NXPH1: variants seen among roughly 807,000 people sequenced by gnomAD.
The protein encoded by NXPH1 is neurexophilin-1.
Under a neutral mutation model 23.7 loss-of-function variants are expected in NXPH1, and 5 were observed. That is an observed-to-expected ratio of 0.21 (90% CI 0.11 to 0.44). The LOEUF is 0.44. NXPH1 is among the 20% of genes least tolerant of loss of function. The pLI is 0.99. For missense variants in NXPH1, 324 were observed against 321.6 expected, an observed-to-expected ratio of 1.01 and a Z score of -0.06; for synonymous variants, 144 against 122.2, an observed-to-expected ratio of 1.18 and a Z score of -1.18.
chr7:8,506,461 A>G (rs1196337480), intron 2 of NXPH1, among the ~76,000 whole-genome samples: 2 of 152,116 alleles, frequency 1.3e-5, no homozygotes, highest in Non-Finnish European at 2.9e-5. Context: ...TGCAATTTGT[A>G]AGTTTATTCA....
chr7:8,704,353 A>C (rs1779671807), intron 2 of NXPH1, among the ~76,000 whole-genome samples: 1 of 152,154 alleles, frequency 6.6e-6, no homozygotes, highest in South Asian at 2.1e-4. Flanking sequence ...TGTGTCTTGC[A>C]CAATCGATTC....
intron 2 of NXPH1, among the ~76,000 whole-genome samples, chr7:8,515,392 C>T (rs182403630): frequency 6.6e-6 from 1 of 152,102 alleles, no homozygotes; most frequent in East Asian, 1.9e-4. Flanking sequence ...TATTTTATCT[C>T]CTGCCATGGA....
chr7:8,438,802 ATTC>A, intron 2 of NXPH1, among the ~76,000 whole-genome samples: 1 of 152,176 alleles, frequency 6.6e-6, no homozygotes. Context: ...TGGGCCCGGG[ATTC>A]TTTGAATGCT....
intron 2 of NXPH1, among the ~76,000 whole-genome samples, chr7:8,643,487 CT>C (rs1820349448): frequency 6.6e-6 from 1 of 152,032 alleles, no homozygotes; most frequent in African/African-American, 2.4e-5. Context: ...TTATGTTAGC[CT>C]TTAGAAATGT....
chr7:8,629,489 T>C (rs1406003730), intron 2 of NXPH1, among the ~76,000 whole-genome samples: 1 of 152,184 alleles, frequency 6.6e-6, no homozygotes, highest in Non-Finnish European at 1.5e-5. Context: ...AGATATTTCA[T>C]TTAAAATCTT....
chr7:8,529,892 T>C (rs1817923761), intron 2 of NXPH1, among the ~76,000 whole-genome samples: 1 of 152,196 alleles, frequency 6.6e-6, no homozygotes, highest in Admixed American at 6.5e-5. Context: ...ACCTGGGTGA[T>C]CTTTCTTTGT....
intron 2 of NXPH1, among the ~76,000 whole-genome samples, chr7:8,516,906 G>A (rs550506859): frequency 6.6e-6 from 1 of 152,280 alleles, no homozygotes; most frequent in Admixed American, 6.5e-5. Flanking sequence ...CCTTCATGAT[G>A]TGTGGTCTGG....
chr7:8,730,709 C>A (rs560206236), intron 2 of NXPH1, among the ~76,000 whole-genome samples: 2 of 152,108 alleles, frequency 1.3e-5, no homozygotes, highest in African/African-American at 4.8e-5. Context: ...CCGAGAGATC[C>A]GCTGTTAGTC....
At chr7:8,629,061 A>G (rs1027055709) in intron 2 of NXPH1, among the ~76,000 whole-genome samples, 2 of 151,910 alleles carry the variant, frequency 1.3e-5, no homozygotes, top group African/African-American at 4.8e-5. Context: ...AAATGAATAA[A>G]AACAAATTTT....
At chr7:8,734,613 T>C (rs1562469171) in intron 2 of NXPH1, among the ~76,000 whole-genome samples, 1 of 152,324 alleles carries the variant, frequency 6.6e-6, no homozygotes, top group East Asian at 1.9e-4. Flanking sequence ...TACTTTCAAG[T>C]ATGTGGTCAA....
chr7:8,447,293 A>G (rs1317163291), intron 2 of NXPH1, among the ~76,000 whole-genome samples: 1 of 152,236 alleles, frequency 6.6e-6, no homozygotes, highest in African/African-American at 2.4e-5. Flanking sequence ...TCACCAGGGC[A>G]CCATCATTTA....
At position 8,528,047 on chromosome 7, in the gene NXPH1, G is replaced by A. The variant is rs1391522827; in HGVS notation, c.54+92280G>A. Reference sequence around the variant, plus strand: ...GTAGCTGATAAAACTCATACGGGTGGTTCTTTGACCTAGCTCCAAAAGCAC... The same window carrying A: ...GTAGCTGATAAAACTCATACGGGTGATTCTTTGACCTAGCTCCAAAAGCAC... On this transcript the variant is annotated intron_variant, in intron 2 of 2. Transcript: ENST00000405863. 1.3e-5 allele frequency among the ~76,000 whole-genome samples: 2 copies of A among 152,204 alleles called. 1 individual carries two copies. Among genetic ancestry groups the A allele is most frequent in the Non-Finnish European group, 2.9e-5 (2 of 68,038 alleles).
intron 2 of NXPH1, among the ~76,000 whole-genome samples, chr7:8,477,023 C>T (rs1038720813): frequency 6.6e-6 from 1 of 152,104 alleles, no homozygotes; most frequent in Non-Finnish European, 1.5e-5. Context: ...AATATGTTCA[C>T]GTTTTTGTGA....
intron 2 of NXPH1, among the ~76,000 whole-genome samples, chr7:8,467,757 A>T (rs941992402): frequency 1.3e-5 from 2 of 152,092 alleles, no homozygotes; most frequent in Non-Finnish European, 2.9e-5. Context: ...CAAGATAGCA[A>T]CCTCTTTCAA....
rs752284747 is a variant in NXPH1, at chr7:8,751,616, G to A, written c.663G>A (p.Glu221=). The change falls in exon 3 of 3, where the codon GAG becomes GAA. Residue 221 remains glutamate, a synonymous_variant. Transcript: ENST00000405863. The surrounding 1 kb of genome is among the most constrained non-coding windows in gnomAD (Gnocchi z 4.5). The stretch of plus-strand genomic sequence containing the variant: ...ACCCTTCAAAAACCTGTTACCAGGA[G>A]CAAACCCAAAGTCATGTATCCTGGC... The part of the protein sequence containing the change: ...NYDPSKTCYQ[E]QTQSHVSWLC... 64 of 1,613,442 alleles carry A rather than the reference G, an allele frequency of 4.0e-5. No individual in the cohort carries two copies. In the East Asian group the frequency reaches 1.4e-3, roughly 35 times the overall value.
chr7:8,468,931 A>AC lies in NXPH1; in HGVS notation c.54+33164_54+33165insC, dbSNP rs1563319338. Reference sequence around the variant, plus strand: ...AAAAGTATATAAGGCAATTTTTAAGAGTGTTAAATTTTTATCTGTGATTTT... The same window carrying AC: ...AAAAGTATATAAGGCAATTTTTAAGACGTGTTAAATTTTTATCTGTGATTTT... On this transcript the variant is annotated intron_variant, in intron 2 of 2. Coordinates refer to ENST00000405863, the MANE Select transcript of NXPH1 (RefSeq NM_152745.3). Among the ~76,000 whole-genome samples, 3 of 152,060 alleles carry AC rather than the reference A, an allele frequency of 2.0e-5. No homozygotes were observed. The South Asian group carries it at 6.2e-4, about 32-fold the overall frequency.
At position 8,655,439 on chromosome 7, in the gene NXPH1, T is replaced by A. The variant is rs1227316987; in HGVS notation, c.55-95569T>A. Among the ~76,000 whole-genome samples, 584 of 68,682 alleles carry A rather than the reference T, an allele frequency of 8.5e-3. 12 individuals carry two copies. The highest frequency in any genetic ancestry group is 0.023 in the African/African-American group (483 of 21,094). The allele number at this position is 68,682 out of a possible 152,430, so 45.1% of individuals were successfully genotyped here. A position where few individuals can be genotyped will look rare whatever the true frequency, so the allele number is the denominator to read the frequency against. ...CTCTCTCTCTCTCTCTCTCTCTCTC[T>A]CTCTCTCTCTATACACACACACACA... On this transcript the variant is annotated intron_variant, in intron 2 of 2. Coordinates refer to ENST00000405863, the MANE Select transcript of NXPH1 (RefSeq NM_152745.3).
intron 2 of NXPH1, among the ~76,000 whole-genome samples, chr7:8,663,057 G>A (rs994025682): frequency 6.6e-6 from 1 of 152,086 alleles, no homozygotes; most frequent in African/African-American, 2.4e-5. Context: ...GTTGGGAGAT[G>A]AATGCTTGCC....
chr7:8,476,559 T>C (rs1816974972), intron 2 of NXPH1, among the ~76,000 whole-genome samples: 1 of 152,062 alleles, frequency 6.6e-6, no homozygotes, highest in South Asian at 2.1e-4. Flanking sequence ...TTGGTGTTCT[T>C]TGATATATAG....
Sources: allele counts gnomAD v4.1 joint callset (sites outside exome capture counted in the v4.1 genomes callset), GRCh38; gene constraint gnomAD v4.1.1; non-coding constraint Gnocchi (gnomAD v3.1); transcripts MANE v1.5; gene names NCBI Gene and HGNC (gene_info 2026-07-23, HGNC 2026-07-21).